Variants in PTPRS observed in about 807,000 individuals in gnomAD.
The protein encoded by PTPRS is receptor-type tyrosine-protein phosphatase S.
A neutral mutation model predicts 215.3 loss-of-function variants in PTPRS; 63 were observed. That is an observed-to-expected ratio of 0.29 (90% confidence interval 0.24 to 0.36). The LOEUF is 0.36. PTPRS is among the 10% of genes least tolerant of loss of function. The pLI is 1.00. For missense variants in PTPRS, 2,258 were observed against 2,825.8 expected (o/e 0.80, Z 4.56); for synonymous variants, 1,404 against 1,191.4 (o/e 1.18, Z -3.68).
At chr19:5,312,131 C>T (rs1359239455) in intron 1 of PTPRS, among the ~76,000 whole-genome samples, 1 of 151,684 alleles carries the variant, frequency 6.6e-6, no homozygotes, top group Non-Finnish European at 1.5e-5. Context: ...TGCAACACAT[C>T]TCATAGGAAA....
intron 15 of PTPRS, 67 bp downstream of exon 15, chr19:5,229,424 G>C (rs948339073): frequency 3.4e-5 from 46 of 1,360,032 alleles, no homozygotes; most frequent in Admixed American, 8.0e-5. Context: ...AAGCAGAGGT[G>C]GGGGGAGCGC....
At chr19:5,290,430 G>C (rs759179264) in intron 1 of PTPRS, among the ~76,000 whole-genome samples, 4 of 152,170 alleles carry the variant, frequency 2.6e-5, no homozygotes, top group Non-Finnish European at 5.9e-5. Context: ...CGGTGCTAAT[G>C]GGGGGCGAGT....
At position 5,215,865 on chromosome 19, in the gene PTPRS, T is replaced by C. The variant is rs117801390; in HGVS notation, c.4097-270A>G. On this transcript the variant is annotated intron_variant, in intron 26 of 37. Coordinates refer to ENST00000262963, the MANE Select transcript of PTPRS (RefSeq NM_002850.4). ...CCTGGAGGGGCCTGGATCACAGCAT[T>C]GGCCCATCCTGTTTCCTTCCAACCA... Among the ~76,000 whole-genome samples, 428 of 152,156 alleles carry C rather than the reference T, an allele frequency of 2.8e-3. 3 individuals are homozygous for C. The highest frequency in any genetic ancestry group is 7.8e-3 in the Admixed American group (120 of 15,292).
intron 2 of PTPRS, among the ~76,000 whole-genome samples, chr19:5,283,049 C>T (rs376870179): frequency 3.3e-5 from 5 of 152,184 alleles, no homozygotes; most frequent in African/African-American, 1.2e-4. Flanking sequence ...CTGGAGGCAA[C>T]GCGCCTGAGC....
chr19:5,310,766 C>T (rs1199309407), intron 1 of PTPRS, among the ~76,000 whole-genome samples: 5 of 152,018 alleles, frequency 3.3e-5, no homozygotes, highest in African/African-American at 7.3e-5. Flanking sequence ...AGTGCAGTGA[C>T]GCAATCTCAG....
intron 1 of PTPRS, among the ~76,000 whole-genome samples, chr19:5,324,779 AG>A (rs2050126974): frequency 6.6e-6 from 1 of 152,166 alleles, no homozygotes; most frequent in African/African-American, 2.4e-5. Flanking sequence ...CAGGACCACG[AG>A]GCACTCAGCT....
intron 9 of PTPRS, among the ~76,000 whole-genome samples, chr19:5,251,431 T>A (rs1336277934): frequency 6.9e-6 from 1 of 145,250 alleles, no homozygotes; most frequent in African/African-American, 2.5e-5. Context: ...TCTAGATACT[T>A]TTTTTTTTTT....
In PTPRS at chr19:5,219,932, G is replaced by A. The variant is rs751492119; in HGVS notation, c.3765+7C>T. On this transcript the variant is annotated splice_region_variant and intron_variant, in intron 22 of 37. Transcript: ENST00000262963. ...CTGGATGTGGGCGGACACCATTCAG[G>A]ACTTACAGGCTCGCTCTTCTGAAGC... The A allele has an allele frequency of 6.2e-7, 1 of 1,613,214 alleles. No individual in the cohort carries two copies. The highest frequency in any genetic ancestry group is 8.5e-7 in the Non-Finnish European group (1 of 1,179,446).
At chr19:5,290,480 C>T (rs1010138909) in intron 1 of PTPRS, among the ~76,000 whole-genome samples, 13 of 152,156 alleles carry the variant, frequency 8.5e-5, no homozygotes, top group South Asian at 4.1e-4. Flanking sequence ...ATGGGTCACG[C>T]GATCTGGGAG....
At chr19:5,263,024 T>G (rs1376946002) in intron 5 of PTPRS, 52 bp from the exon 6 acceptor site, 5 of 1,342,884 alleles carry the variant, frequency 3.7e-6, no homozygotes. Flanking sequence ...CGTTAACGGG[T>G]GGTTACAAAG....
chr19:5,238,457 G>T (rs929391013), intron 13 of PTPRS, among the ~76,000 whole-genome samples: 22 of 152,304 alleles, frequency 1.4e-4, no homozygotes, highest in African/African-American at 5.1e-4. Context: ...AAGACCGACG[G>T]GGAAGGTGGG....
intron 1 of PTPRS, among the ~76,000 whole-genome samples, chr19:5,301,013 T>C (rs778086064): frequency 2.0e-5 from 3 of 152,120 alleles, no homozygotes; most frequent in Admixed American, 6.5e-5. Context: ...ATTTCCAACA[T>C]AGTGACATGG....
chr19:5,219,837 G>A (rs2041819229), intron 22 of PTPRS, 102 bp downstream of exon 22: 1 of 1,313,470 alleles, frequency 7.6e-7, no homozygotes. Flanking sequence ...CTGACCACAG[G>A]GAGCTGCCTG....
chr19:5,303,954 A>AAAAAAAAAAAAAAAATAATAATAAT, intron 1 of PTPRS, among the ~76,000 whole-genome samples: 6 of 132,254 alleles, frequency 4.5e-5, no homozygotes, highest in Admixed American at 1.6e-4. Context: ...CTGTCTCAAA[A>AAAAAAAAAAAAAAAATAATAATAAT]AATAATAATA....
chr19:5,322,646 G>C (rs1426681647), intron 1 of PTPRS, among the ~76,000 whole-genome samples: 2 of 152,150 alleles, frequency 1.3e-5, no homozygotes, highest in Non-Finnish European at 2.9e-5. Flanking sequence ...TTAGGAGGCT[G>C]AGGCGGGCGG....
chr19:5,289,576 C>A (rs1458676164), intron 1 of PTPRS, among the ~76,000 whole-genome samples: 1 of 152,168 alleles, frequency 6.6e-6, no homozygotes, highest in Non-Finnish European at 1.5e-5. Context: ...TCCGTGCCCT[C>A]CCCTCCTCCC....
chr19:5,208,959 T>G (rs1465695824), intron 35 of PTPRS, among the ~76,000 whole-genome samples: 2 of 152,186 alleles, frequency 1.3e-5, no homozygotes, highest in Non-Finnish European at 2.9e-5. Flanking sequence ...CCATAGCTCA[T>G]CAATGATGAC....
chr19:5,246,083 C>G, intron 9 of PTPRS, 38 bp from the exon 10 acceptor site: 2 of 1,119,866 alleles, frequency 1.8e-6, no homozygotes, highest in Non-Finnish European at 2.3e-6. Context: ...GAGGGAGATG[C>G]GAGGGGTGAG....
intron 11 of PTPRS, among the ~76,000 whole-genome samples, chr19:5,242,513 G>A (rs377555629): frequency 4.8e-4 from 73 of 151,162 alleles, no homozygotes; most frequent in East Asian, 2.4e-3. Context: ...AACTACAGGC[G>A]TGTGCCACCA....
Sources: gnomAD v4.1 joint callset for allele counts (sites outside exome capture counted in the v4.1 genomes callset) on GRCh38, gnomAD v4.1.1 for gene constraint, MANE v1.5 for transcripts, NCBI Gene and HGNC (gene_info 2026-07-23, HGNC 2026-07-21) for gene names.